SH3RF3: variants seen among roughly 807,000 people sequenced by gnomAD.
SH3RF3 encodes the protein E3 ubiquitin-protein ligase SH3RF3.
In SH3RF3, 29 loss-of-function variants were observed where a neutral mutation model predicts 66.3. The observed-to-expected ratio is 0.44, with a 90% CI of 0.33 to 0.60. The LOEUF (loss-of-function observed/expected upper bound fraction) is 0.60. SH3RF3 is among the 20% of genes least tolerant of loss of function. SH3RF3 has a pLI of 0.04. For synonymous variants in SH3RF3, 583 were observed against 532.0 expected, an observed-to-expected ratio of 1.10 and a Z score of -1.32; for missense variants, 1,194 against 1,190.9, an observed-to-expected ratio of 1.00 and a Z score of -0.04.
chr2:109,350,299 C>T (rs900586751), intron 2 of SH3RF3, among the ~76,000 whole-genome samples: 2 of 152,200 alleles, frequency 1.3e-5, no homozygotes, highest in Admixed American at 6.5e-5. Flanking sequence ...GCGCCAGCCA[C>T]GGGAGGCCCA....
chr2:109,396,502 G>A (rs932302178), intron 3 of SH3RF3, among the ~76,000 whole-genome samples: 1 of 152,218 alleles, frequency 6.6e-6, no homozygotes, highest in Non-Finnish European at 1.5e-5. Context: ...GCACGGAGCA[G>A]CCCTGTGATG....
intron 1 of SH3RF3, among the ~76,000 whole-genome samples, chr2:109,255,074 C>T (rs1328500461): frequency 1.3e-5 from 2 of 152,148 alleles, no homozygotes; most frequent in East Asian, 3.9e-4. Flanking sequence ...GGCTAAAAGA[C>T]ACAAGGTGGT....
chr2:109,501,884 C>A lies in SH3RF3; in HGVS notation c.*213C>A. On this transcript the variant is annotated 3_prime_UTR_variant, in exon 10 of 10. Coordinates refer to ENST00000309415, the MANE Select transcript of SH3RF3 (RefSeq NM_001099289.3). ...CGGAGAGCACACCTGGGATGTTCTT[C>A]AAGGAAATGCCCACCCCCTCTGTGG... 2 of 533,332 alleles carry A rather than the reference C, an allele frequency of 3.8e-6. No homozygotes were observed. Among genetic ancestry groups the A allele is most frequent in the Non-Finnish European group, 3.4e-6 (1 of 298,104 alleles). The allele number at this position is 533,332 out of a possible 1,614,324, so 33.0% of individuals were successfully genotyped here.
At chr2:109,243,063 C>A (rs1864474) in intron 1 of SH3RF3, among the ~76,000 whole-genome samples, 111,803 of 152,234 alleles carry the variant, frequency 0.73, 41,584 homozygotes, top group East Asian at 0.89. Flanking sequence ...ACAATGAAAT[C>A]GGCTGTTCAT....
At chr2:109,194,310 C>T (rs192065534) in intron 1 of SH3RF3, among the ~76,000 whole-genome samples, 1 of 152,228 alleles carries the variant, frequency 6.6e-6, no homozygotes, top group East Asian at 1.9e-4. Flanking sequence ...AGGGGACTTT[C>T]GAAAGCTTGG....
rs139593939 is a variant in SH3RF3 at position 109,217,335 on chromosome 2, G to A, written c.573+87222G>A. 1.1e-4 allele frequency among the ~76,000 whole-genome samples: 16 copies of A among 152,266 alleles called. 1 individual carries two copies. In the East Asian group the frequency reaches 2.1e-3, roughly 20 times the overall value. ...CCTTGGTTGTTCTCTTTGTAGATAC[G>A]TATTTGGAACTGCACTTACCATATC... is the stretch of plus-strand genomic sequence containing the variant. On this transcript the variant is annotated intron_variant, in intron 1 of 9. Coordinates refer to ENST00000309415, the MANE Select transcript of SH3RF3 (RefSeq NM_001099289.3).
Position 109,435,386 on chromosome 2 carries a change from T to C in SH3RF3, c.1575-1507T>C, listed in dbSNP as rs62154201. Among the ~76,000 whole-genome samples the C allele has an allele frequency of 4.1e-3, 627 of 152,346 alleles. 2 individuals carry two copies. The highest frequency in any genetic ancestry group is 6.8e-3 in the Non-Finnish European group (460 of 68,032). On this transcript the variant is annotated intron_variant, in intron 6 of 9. Transcript: ENST00000309415. ...TGCCAAAGCCACACAGCAGAAGGCT[T>C]ATCTGGCAGTGATTGGAGGGTAGGC... is the stretch of plus-strand genomic sequence containing the variant.
At position 109,322,616 on chromosome 2, in the gene SH3RF3, G is replaced by A. The variant is rs1252251666; in HGVS notation, c.574-25058G>A. 2.0e-5 allele frequency among the ~76,000 whole-genome samples: 3 copies of A among 152,170 alleles called. No homozygotes were observed. The East Asian group carries it at 5.8e-4, about 29-fold the overall frequency. ...CTGAATGAATAAATCTGCAGTAGTC[G>A]CCAGTCAAATGTCAAAGGCTGGTCT... On this transcript the variant is annotated intron_variant, in intron 1 of 9. Transcript: ENST00000309415.
chr2:109,132,100 A>G (rs1474162867), intron 1 of SH3RF3, among the ~76,000 whole-genome samples: 4 of 152,182 alleles, frequency 2.6e-5, no homozygotes, highest in Admixed American at 6.5e-5. Context: ...TCCTGCCAGG[A>G]AAGTTGAATG....
At position 109,490,672 on chromosome 2, in the gene SH3RF3, C is replaced by T. The variant is rs1223666220; in HGVS notation, c.2216C>T (p.Pro739Leu). ...TCCACCAAGAAGAAGTCACGCTCCC[C>T]GCCATCTGTGTCTCCAACCCACGAC... Reference protein sequence around the residue: ...GASTKKKSRSPPSVSPTHDPQ... With the variant: ...GASTKKKSRSLPSVSPTHDPQ... The change falls in exon 9 of 10, where the codon CCG (proline) becomes CTG (leucine). Residue 739 changes from proline (P) to leucine (L), a missense_variant. Coordinates refer to ENST00000309415, the MANE Select transcript of SH3RF3 (RefSeq NM_001099289.3). 2.6e-6 allele frequency: 4 copies of T among 1,521,880 alleles called. No homozygotes were observed. The highest frequency in any genetic ancestry group is 2.6e-6 in the Non-Finnish European group (3 of 1,135,450). The allele number at this position is 1,521,880 out of a possible 1,614,324, so 94.3% of individuals were successfully genotyped here. A position where few individuals can be genotyped will look rare whatever the true frequency, so the allele number is the denominator to read the frequency against.
chr2:109,346,925 T>TG lies in SH3RF3; in HGVS notation c.574-742dup, dbSNP rs546198421. On this transcript the variant is annotated intron_variant, in intron 1 of 9. Coordinates refer to ENST00000309415, the MANE Select transcript of SH3RF3 (RefSeq NM_001099289.3). ...TGCAGCAGAAAGCTGTGTGTCATGG[T>TG]GGGGGGGTCTGTGATGGCCGGGGAC... Among the ~76,000 whole-genome samples the TG allele has an allele frequency of 3.4e-3, 515 of 152,158 alleles. 1 individual carries two copies. Among genetic ancestry groups the TG allele is most frequent in the Non-Finnish European group, 5.0e-3 (343 of 68,010 alleles).
At chr2:109,372,536 TCA>T (rs1683296486) in intron 3 of SH3RF3, among the ~76,000 whole-genome samples, 1 of 152,238 alleles carries the variant, frequency 6.6e-6, no homozygotes, top group East Asian at 1.9e-4. Context: ...TTTAATCTTC[TCA>T]GCAACACTGG....
At chr2:109,404,425 A>G (rs902544033) in intron 4 of SH3RF3, among the ~76,000 whole-genome samples, 4 of 152,182 alleles carry the variant, frequency 2.6e-5, no homozygotes, top group African/African-American at 9.7e-5. Context: ...GAAATGCTAC[A>G]AGTTCGAGAC....
chr2:109,472,563 T>C (rs1678551778), intron 8 of SH3RF3, among the ~76,000 whole-genome samples: 1 of 152,182 alleles, frequency 6.6e-6, no homozygotes, highest in Admixed American at 6.5e-5. Flanking sequence ...TGAACCGACC[T>C]GCGGCTGCCT....
chr2:109,309,350 A>G (rs1037597853), intron 1 of SH3RF3, among the ~76,000 whole-genome samples: 5 of 150,126 alleles, frequency 3.3e-5, no homozygotes, highest in African/African-American at 7.5e-5. Flanking sequence ...TCCTGAAGGA[A>G]GCGCTAAACA....
intron 8 of SH3RF3, among the ~76,000 whole-genome samples, chr2:109,461,682 G>A (rs1678211121): frequency 1.3e-5 from 2 of 151,058 alleles, no homozygotes; most frequent in African/African-American, 4.9e-5. Flanking sequence ...CCTGCGCGGT[G>A]ATCCACCTGC....
intron 1 of SH3RF3, among the ~76,000 whole-genome samples, chr2:109,184,101 T>G (rs1266832335): frequency 1.3e-5 from 2 of 152,202 alleles, no homozygotes; most frequent in African/African-American, 2.4e-5. Context: ...ATGTGGTGGT[T>G]CCATGTGCTT....
chr2:109,332,332 A>G (rs1449762235), intron 1 of SH3RF3, among the ~76,000 whole-genome samples: 2 of 151,982 alleles, frequency 1.3e-5, no homozygotes, highest in African/African-American at 4.8e-5. Flanking sequence ...GTGTTCTGAG[A>G]GTTGCGCCCA....
chr2:109,199,335 G>C (rs1574498998), intron 1 of SH3RF3, among the ~76,000 whole-genome samples: 40 of 600 alleles, frequency 0.067, no homozygotes, highest in African/African-American at 0.15. Context: ...AAGTAAAATG[G>C]AATGGAATGG....
Sources: allele counts gnomAD v4.1 joint callset (sites outside exome capture counted in the v4.1 genomes callset), GRCh38; gene constraint gnomAD v4.1.1; transcripts MANE v1.5; gene names NCBI Gene and HGNC (gene_info 2026-07-23, HGNC 2026-07-21).